The following CD38 variants were observed in gnomAD, a reference collection of about 807,000 sequenced individuals.
The protein encoded by CD38 is ADP-ribosyl cyclase/cyclic ADP-ribose hydrolase 1.
In CD38, 31 loss-of-function variants were observed where a neutral mutation model predicts 36.3. The observed-to-expected ratio is 0.85, with a 90% CI of 0.64 to 1.15. The LOEUF (loss-of-function observed/expected upper bound fraction) is 1.15. Ranked by LOEUF, CD38 falls within the 50% of genes most tolerant of loss-of-function variation. The probability of loss-of-function intolerance (pLI) is 0.00; values close to 1 mark genes in which losing one functional copy is unlikely to be tolerated. For missense variants in CD38, 380 were observed against 371.9 expected, an observed-to-expected ratio of 1.02 and a Z score of -0.18; for synonymous variants, 131 against 135.2, an observed-to-expected ratio of 0.97 and a Z score of 0.22.
intron 2 of CD38, among the ~76,000 whole-genome samples, chr4:15,818,166 G>C (rs1366925943): frequency 7.1e-6 from 1 of 139,926 alleles, no homozygotes; most frequent in Non-Finnish European, 1.6e-5. Context: ...AGCTGGGTGG[G>C]GGGAGGGGCG....
chr4:15,783,411 G>A (rs987299544), intron 1 of CD38, among the ~76,000 whole-genome samples: 2 of 152,214 alleles, frequency 1.3e-5, no homozygotes, highest in Non-Finnish European at 2.9e-5. Flanking sequence ...AGGTACTGAC[G>A]ATAGCTGCAG....
chr4:15,820,239 C>CA (rs1723703164), intron 2 of CD38, among the ~76,000 whole-genome samples: 1 of 152,182 alleles, frequency 6.6e-6, no homozygotes, highest in Non-Finnish European at 1.5e-5. Context: ...ACTACAGAAA[C>CA]ACACCGAAGT....
At chr4:15,842,184 TG>T (rs1450999274) in intron 7 of CD38, among the ~76,000 whole-genome samples, 1 of 102,812 alleles carries the variant, frequency 9.7e-6, no homozygotes, top group Non-Finnish European at 1.9e-5. Context: ...AAGAGAGCAG[TG>T]GTTCTCCCAG....
At chr4:15,787,441 G>A (rs976494330) in intron 1 of CD38, among the ~76,000 whole-genome samples, 3 of 152,192 alleles carry the variant, frequency 2.0e-5, no homozygotes, top group Non-Finnish European at 4.4e-5. Flanking sequence ...CCATGCTGGT[G>A]TTTGGTTGCT....
chr4:15,824,757 A>T, intron 2 of CD38, 124 bp from the exon 3 acceptor site: 1 of 745,542 alleles, frequency 1.3e-6, no homozygotes, highest in Non-Finnish European at 2.3e-6. Context: ...AACAATTCTT[A>T]CTCTTACTAT....
In CD38 at chr4:15,816,540, C is replaced by T. The variant is rs1723598890; in HGVS notation, c.263C>T (p.Ala88Val). Residue 88 changes from alanine (A) to valine (V), a missense_variant, in exon 2 of 8, where the codon GCT becomes GTT. By Grantham distance (64) the Ala-to-Val change is moderately conservative. Coordinates refer to ENST00000226279, the MANE Select transcript of CD38 (RefSeq NM_001775.4). ...RHVDCQSVWD[A>V]FKGAFISKHP... ...GTAGACTGCCAAAGTGTATGGGATG[C>T]TTTCAAGGGTGCATTTATTTCAAAA... 1 of 1,613,206 alleles carries T rather than the reference C, an allele frequency of 6.2e-7. No individual in the cohort carries two copies. The highest frequency in any genetic ancestry group is 1.3e-5 in the African/African-American group (1 of 75,018).
chr4:15,852,062 G>A lies in CD38; in HGVS notation c.*3460G>A, dbSNP rs1724398236. ...TTTGGGCCATCATTGGCTGAAAAGT[G>A]GTTATGCGACACATGACTGTATATA... On this transcript the variant is annotated 3_prime_UTR_variant, in exon 8 of 8. Transcript: ENST00000226279. 6.6e-6 allele frequency: 1 copy of A among 152,180 alleles called. No homozygotes were observed. The highest frequency in any genetic ancestry group is 1.5e-5 in the Non-Finnish European group (1 of 68,032). 9.4% of individuals were successfully genotyped at this position (152,180 alleles called of 1,614,324 possible).
intron 1 of CD38, among the ~76,000 whole-genome samples, chr4:15,794,230 G>T (rs912595911): frequency 1.3e-5 from 2 of 152,208 alleles, no homozygotes; most frequent in African/African-American, 4.8e-5. Context: ...CAAGTGGATG[G>T]CTACTTGCTT....
At chr4:15,847,679 A>C (rs1328488134) in intron 7 of CD38, among the ~76,000 whole-genome samples, 1 of 148,600 alleles carries the variant, frequency 6.7e-6, no homozygotes, top group African/African-American at 2.5e-5. Context: ...TTGCATGGAG[A>C]AAATAGAATA....
intron 3 of CD38, among the ~76,000 whole-genome samples, chr4:15,830,540 G>T (rs932471271): frequency 6.6e-6 from 1 of 152,042 alleles, no homozygotes; most frequent in Non-Finnish European, 1.5e-5. Flanking sequence ...CATTCTGTGG[G>T]CTCTCTCTTC....
intron 1 of CD38, among the ~76,000 whole-genome samples, chr4:15,780,069 G>C (rs1318955343): frequency 1.3e-5 from 2 of 152,216 alleles, no homozygotes; most frequent in Non-Finnish European, 2.9e-5. Flanking sequence ...TTTCACCTTA[G>C]TTGGGAGAAA....
chr4:15,778,511 C>T lies in CD38; in HGVS notation c.97C>T (p.Leu33=), dbSNP rs1560303111. Residue 33 remains leucine, a synonymous_variant, in exon 1 of 8, where the codon CTG becomes TTG. Transcript: ENST00000226279. This position sits in a 1 kb window ranked among gnomAD's most constrained non-coding sequence, Gnocchi z 4.9. ...QLCLGVSILV[L]ILVVVLAVVV... ...CTGTCTTGGCGTCAGTATCCTGGTC[C>T]TGATCCTCGTCGTGGTGCTCGCGGT... The T allele has an allele frequency of 1.2e-6, 2 of 1,613,856 alleles. No homozygotes were observed. Among genetic ancestry groups the T allele is most frequent in the Admixed American group, 1.7e-5 (1 of 60,030 alleles).
chr4:15,780,517 C>G (rs1359414524), intron 1 of CD38, among the ~76,000 whole-genome samples: 1 of 113,126 alleles, frequency 8.8e-6, no homozygotes, highest in East Asian at 2.7e-4. Context: ...TATTCTCTCT[C>G]TCACACACAC....
chr4:15,796,641 A>G (rs3822256), intron 1 of CD38, among the ~76,000 whole-genome samples: 7,886 of 151,944 alleles, frequency 0.052, 302 homozygotes, highest in East Asian at 0.18. Flanking sequence ...CTTTCCGCCG[A>G]TTTTCTTTTC....
intron 2 of CD38, among the ~76,000 whole-genome samples, chr4:15,818,886 G>A (rs1042823231): frequency 2.0e-5 from 3 of 152,188 alleles, no homozygotes; most frequent in Non-Finnish European, 2.9e-5. Context: ...GTAGATAAAT[G>A]CAAGAAGATG....
intron 1 of CD38, among the ~76,000 whole-genome samples, chr4:15,793,345 A>G (rs1723044225): frequency 6.6e-6 from 1 of 152,104 alleles, no homozygotes; most frequent in Non-Finnish European, 1.5e-5. Context: ...ATTTCAAAGT[A>G]AAGGGAACAA....
chr4:15,783,612 C>T (rs1722744429), intron 1 of CD38, among the ~76,000 whole-genome samples: 1 of 152,206 alleles, frequency 6.6e-6, no homozygotes, highest in African/African-American at 2.4e-5. Flanking sequence ...TATTGAGCTG[C>T]CTTGAGTCCA....
intron 1 of CD38, among the ~76,000 whole-genome samples, chr4:15,807,014 T>A (rs1723357179): frequency 6.6e-6 from 1 of 152,180 alleles, no homozygotes; most frequent in African/African-American, 2.4e-5. Flanking sequence ...TTTGTTATTG[T>A]CAATGCCCCC....
chr4:15,827,580 T>C (rs1723874930), intron 3 of CD38, among the ~76,000 whole-genome samples: 1 of 152,178 alleles, frequency 6.6e-6, no homozygotes, highest in Admixed American at 6.5e-5. Flanking sequence ...CCTTTTTAAA[T>C]TTCCCTTTTA....
Sources: gnomAD v4.1 joint callset for allele counts (sites outside exome capture counted in the v4.1 genomes callset) on GRCh38, gnomAD v4.1.1 for gene constraint, Gnocchi (gnomAD v3.1) non-coding constraint, MANE v1.5 for transcripts, NCBI Gene and HGNC (gene_info 2026-07-23, HGNC 2026-07-21) for gene names.